Variants in UNC5C observed in about 807,000 individuals in gnomAD.
UNC5C encodes netrin receptor UNC5C.
UNC5C carries 47 observed loss-of-function variants against 99.8 expected under a neutral mutation model. That is an observed-to-expected ratio of 0.47 (90% CI 0.37 to 0.60). The LOEUF (loss-of-function observed/expected upper bound fraction) is 0.60. UNC5C is among the 20% of genes least tolerant of loss of function. UNC5C has a pLI of 0.00. For synonymous variants in UNC5C, 487 were observed against 452.2 expected, an observed-to-expected ratio of 1.08 and a Z score of -0.98; for missense variants, 1,062 against 1,165.9, an observed-to-expected ratio of 0.91 and a Z score of 1.30.
At chr4:95,267,030 G>T (rs1244407086) in intron 4 of UNC5C, among the ~76,000 whole-genome samples, 3 of 152,062 alleles carry the variant, frequency 2.0e-5, no homozygotes, top group African/African-American at 7.2e-5. Flanking sequence ...TATATAATGG[G>T]ACCCCATTTA....
rs180697335 is a variant in UNC5C, at chr4:95,288,622, G to A, written c.491-10260C>T. Among the ~76,000 whole-genome samples, 613 of 152,338 alleles carry A rather than the reference G, an allele frequency of 4.0e-3. 2 individuals are homozygous for A. Among genetic ancestry groups the A allele is most frequent in the Admixed American group, 6.7e-3 (103 of 15,294 alleles). ...TCAGTTTCACTGAGCCATAATCAAA[G>A]GGACAGCAGGATTATGCGCTCCCTC... is the stretch of plus-strand genomic sequence containing the variant. On this transcript the variant is annotated intron_variant, in intron 3 of 15. Transcript: ENST00000453304.
intron 2 of UNC5C, among the ~76,000 whole-genome samples, chr4:95,317,949 C>T (rs1472194677): frequency 6.6e-6 from 1 of 152,006 alleles, no homozygotes; most frequent in Non-Finnish European, 1.5e-5. Context: ...GGAATGGTGT[C>T]CCACAAAGGA....
intron 1 of UNC5C, among the ~76,000 whole-genome samples, chr4:95,522,322 T>C (rs1722381803): frequency 6.6e-6 from 1 of 152,146 alleles, no homozygotes; most frequent in Non-Finnish European, 1.5e-5. Flanking sequence ...AAACAATCGA[T>C]TTTAAAGTGC....
intron 7 of UNC5C, among the ~76,000 whole-genome samples, chr4:95,229,886 C>T (rs372725444): frequency 2.1e-5 from 3 of 140,830 alleles, no homozygotes; most frequent in East Asian, 4.6e-4. Context: ...TCTTGGCTCA[C>T]TGCAACCTGC....
At chr4:95,276,722 T>C (rs1740874852) in intron 4 of UNC5C, among the ~76,000 whole-genome samples, 2 of 152,332 alleles carry the variant, frequency 1.3e-5, no homozygotes, top group South Asian at 4.1e-4. Context: ...CTAGTCGTAT[T>C]AAATCATACT....
Position 95,483,033 on chromosome 4 carries a change from TA to T in UNC5C, c.124+65700del, listed in dbSNP as rs35494933. 7.4e-3 allele frequency among the ~76,000 whole-genome samples: 1,010 copies of T among 137,184 alleles called. 3 individuals carry two copies. The highest frequency in any genetic ancestry group is 0.012 in the African/African-American group (418 of 34,990). 90.0% of individuals were successfully genotyped at this position (137,184 alleles called of 152,430 possible). The stretch of plus-strand genomic sequence containing the variant: ...ATAATAATAATAATAATAATAATAA[TA>T]ATAATAATAAAAACACATGCAGTAA... On this transcript the variant is annotated intron_variant, in intron 1 of 15. Coordinates refer to ENST00000453304, the MANE Select transcript of UNC5C (RefSeq NM_003728.4).
At chr4:95,195,121 G>A (rs753767305) in intron 12 of UNC5C, among the ~76,000 whole-genome samples, 1 of 152,116 alleles carries the variant, frequency 6.6e-6, no homozygotes, top group East Asian at 1.9e-4. Context: ...GCCCACATAC[G>A]CATGGCAAAC....
intron 4 of UNC5C, among the ~76,000 whole-genome samples, chr4:95,257,944 G>A (rs988739340): frequency 6.6e-6 from 1 of 152,168 alleles, no homozygotes; most frequent in African/African-American, 2.4e-5. Flanking sequence ...TGAATGGAAA[G>A]GAAAACAGTG....
intron 1 of UNC5C, among the ~76,000 whole-genome samples, chr4:95,512,235 G>A (rs78321607): frequency 0.01 from 1,582 of 152,106 alleles, 22 homozygotes; most frequent in African/African-American, 0.033. Context: ...CAAAAATAAA[G>A]TAAAAAATCA....
At chr4:95,200,881 C>T (rs111386742) in intron 12 of UNC5C, among the ~76,000 whole-genome samples, 2,245 of 151,774 alleles carry the variant, frequency 0.015, 55 homozygotes, top group African/African-American at 0.05. Flanking sequence ...CAAATTCATA[C>T]GTTGTAATCC....
intron 1 of UNC5C, among the ~76,000 whole-genome samples, chr4:95,463,777 A>G (rs1396128765): frequency 6.6e-6 from 1 of 152,166 alleles, no homozygotes; most frequent in Non-Finnish European, 1.5e-5. Flanking sequence ...TTGACTCCTT[A>G]TTTTCAACCT....
chr4:95,496,890 T>C (rs1461280080), intron 1 of UNC5C, among the ~76,000 whole-genome samples: 1 of 151,858 alleles, frequency 6.6e-6, no homozygotes, highest in Admixed American at 6.6e-5. Flanking sequence ...CTTTGCATCC[T>C]CATAGCTTAG....
At chr4:95,543,730 CT>C (rs1219826044) in intron 1 of UNC5C, among the ~76,000 whole-genome samples, 1 of 152,138 alleles carries the variant, frequency 6.6e-6, no homozygotes, top group African/African-American at 2.4e-5. Context: ...TTCAGTATCC[CT>C]TGAGAAAATA....
intron 1 of UNC5C, among the ~76,000 whole-genome samples, chr4:95,480,705 T>C (rs1721122427): frequency 6.6e-6 from 1 of 152,084 alleles, no homozygotes; most frequent in Non-Finnish European, 1.5e-5. Context: ...TGGTTCAATG[T>C]ACGCAAATCA....
intron 1 of UNC5C, among the ~76,000 whole-genome samples, chr4:95,503,478 T>A (rs895414371): frequency 6.6e-6 from 1 of 152,294 alleles, no homozygotes. Flanking sequence ...CATTAATAAG[T>A]TGGCTTTTAT....
At chr4:95,313,012 T>G (rs919053025) in intron 2 of UNC5C, among the ~76,000 whole-genome samples, 1 of 152,110 alleles carries the variant, frequency 6.6e-6, no homozygotes, top group Non-Finnish European at 1.5e-5. Flanking sequence ...AAAGGTATAG[T>G]GAAATATTTC....
intron 1 of UNC5C, among the ~76,000 whole-genome samples, chr4:95,356,202 AAAAAAAAAAACAAAAC>A (rs1395671073): frequency 2.3e-5 from 3 of 131,426 alleles, no homozygotes; most frequent in Middle Eastern, 3.6e-3. Flanking sequence ...GCAAAAAAAA[AAAAAAAAAAACAAAAC>A]AAAAAAAAAA....
intron 1 of UNC5C, among the ~76,000 whole-genome samples, chr4:95,404,992 T>C (rs755842515): frequency 3.3e-4 from 50 of 152,244 alleles, no homozygotes; most frequent in Admixed American, 1.6e-3. Context: ...CATGCCCCCC[T>C]TCCAGCTTCC....
chr4:95,417,741 G>A (rs545551173), intron 1 of UNC5C, among the ~76,000 whole-genome samples: 3 of 152,304 alleles, frequency 2.0e-5, no homozygotes, highest in African/African-American at 7.2e-5. Context: ...ATAGGACTGC[G>A]TGTATGCTTC....
Sources: allele counts gnomAD v4.1 joint callset (sites outside exome capture counted in the v4.1 genomes callset), GRCh38; gene constraint gnomAD v4.1.1; transcripts MANE v1.5; gene names NCBI Gene and HGNC (gene_info 2026-07-23, HGNC 2026-07-21).